The following PLXNA4 variants were observed in gnomAD, a reference collection of about 807,000 sequenced individuals.
The protein encoded by PLXNA4 is plexin-A4.
A neutral mutation model predicts 191.8 loss-of-function variants in PLXNA4; 44 were observed. The ratio of observed to expected loss-of-function variants is 0.23; its 90% CI spans 0.18 to 0.29. PLXNA4 has a LOEUF of 0.29. PLXNA4 is among the 10% of genes least tolerant of loss of function. PLXNA4 has a pLI of 1.00. For missense variants in PLXNA4, 1,800 were observed against 2,488.8 expected (o/e 0.72, Z 5.89); for synonymous variants, 1,082 against 1,009.5 (o/e 1.07, Z -1.36).
chr7:132,407,341 G>A (rs1397388102), intron 3 of PLXNA4, among the ~76,000 whole-genome samples: 1 of 152,212 alleles, frequency 6.6e-6, no homozygotes, highest in Non-Finnish European at 1.5e-5. Context: ...TTTTCACAGA[G>A]AGGTGTGTGG....
chr7:132,328,250 T>A (rs1005012361), intron 3 of PLXNA4, among the ~76,000 whole-genome samples: 25 of 152,004 alleles, frequency 1.6e-4, no homozygotes, highest in Non-Finnish European at 2.9e-4. Flanking sequence ...TCCAGGCACA[T>A]CCTCGTCAGC....
At chr7:132,636,010 C>T (rs1217143760) in intron 2 of PLXNA4, among the ~76,000 whole-genome samples, 3 of 152,184 alleles carry the variant, frequency 2.0e-5, no homozygotes, top group Non-Finnish European at 4.4e-5. Context: ...GCCCTCTCAA[C>T]AGAACTCAGA....
intron 29 of PLXNA4, among the ~76,000 whole-genome samples, chr7:132,143,589 G>A (rs1795332840): frequency 1.3e-5 from 2 of 152,146 alleles, no homozygotes; most frequent in Admixed American, 6.5e-5. Flanking sequence ...TTCAATGGAG[G>A]CAGTAAGTAG....
intron 3 of PLXNA4, among the ~76,000 whole-genome samples, chr7:132,471,625 C>T (rs1796938092): frequency 6.6e-6 from 1 of 152,160 alleles, no homozygotes. Flanking sequence ...GCCCTGGTTC[C>T]TTAAAGGGCC....
intron 15 of PLXNA4, among the ~76,000 whole-genome samples, chr7:132,186,169 CT>C (rs1225231022): frequency 6.6e-6 from 1 of 152,186 alleles, no homozygotes; most frequent in Non-Finnish European, 1.5e-5. Flanking sequence ...GCCTAGAGTC[CT>C]TCACTGAATG....
intron 28 of PLXNA4, among the ~76,000 whole-genome samples, chr7:132,145,965 A>G (rs1354890960): frequency 6.9e-6 from 1 of 145,812 alleles, no homozygotes; most frequent in African/African-American, 2.5e-5. Flanking sequence ...GCATGCTTGT[A>G]GTTTCAGCTA....
chr7:132,276,920 A>T (rs1195167039), intron 4 of PLXNA4, among the ~76,000 whole-genome samples: 1 of 152,082 alleles, frequency 6.6e-6, no homozygotes, highest in East Asian at 1.9e-4. Flanking sequence ...ATGAATTGGC[A>T]TCTGGGGGAG....
rs1554447431 is a variant in PLXNA4 at position 132,132,415 on chromosome 7, C to CTGT, written c.5589+631_5589+633dup. Among the ~76,000 whole-genome samples the CTGT allele has an allele frequency of 1.4e-3, 66 of 46,752 alleles. 3 individuals carry two copies. The highest frequency in any genetic ancestry group is 5.5e-3 in the African/African-American group (65 of 11,878). 30.7% of individuals were successfully genotyped at this position (46,752 alleles called of 152,430 possible). A position where few individuals can be genotyped will look rare whatever the true frequency, so the allele number is the denominator to read the frequency against. ...CTGTTCTGTTCTGTTCTGTTCTGTT[C>CTGT]TGTTCTGTTCTGTTCTGTTCTGTTC... On this transcript the variant is annotated intron_variant, in intron 31 of 31. Coordinates refer to ENST00000321063, the MANE Select transcript of PLXNA4 (RefSeq NM_020911.2).
At position 132,448,878 on chromosome 7, in the gene PLXNA4, A is replaced by G. The variant is rs184485762; in HGVS notation, c.1371+40414T>C. On this transcript the variant is annotated intron_variant, in intron 3 of 31. Coordinates refer to ENST00000321063, the MANE Select transcript of PLXNA4 (RefSeq NM_020911.2). Reference sequence around the variant, plus strand: ...AGATTTCTTATGTAGAAATATCTATACAAGACAACAGCTAACTGTAGAGCT... The same window carrying G: ...AGATTTCTTATGTAGAAATATCTATGCAAGACAACAGCTAACTGTAGAGCT... Among the ~76,000 whole-genome samples the G allele has an allele frequency of 5.4e-3, 816 of 152,364 alleles. 3 individuals are homozygous for G. Among genetic ancestry groups the G allele is most frequent in the Non-Finnish European group, 6.4e-3 (433 of 68,042 alleles).
chr7:132,588,699 G>T (rs1218924659), intron 2 of PLXNA4, among the ~76,000 whole-genome samples: 1 of 116,804 alleles, frequency 8.6e-6, no homozygotes, highest in Non-Finnish European at 1.8e-5. Context: ...AGGGAGGGAG[G>T]GAGGGGAGAG....
intron 21 of PLXNA4, among the ~76,000 whole-genome samples, chr7:132,174,279 C>G (rs866677848): frequency 6.6e-6 from 1 of 152,094 alleles, no homozygotes; most frequent in Non-Finnish European, 1.5e-5. Context: ...AGATGAGGTC[C>G]CTGCTGGTAG....
At chr7:132,472,791 A>G (rs1360369938) in intron 3 of PLXNA4, among the ~76,000 whole-genome samples, 1 of 152,186 alleles carries the variant, frequency 6.6e-6, no homozygotes, top group East Asian at 1.9e-4. Context: ...CACCAAGACC[A>G]CAAGGAGCAG....
intron 3 of PLXNA4, among the ~76,000 whole-genome samples, chr7:132,387,885 C>T (rs1805223817): frequency 6.6e-6 from 1 of 152,034 alleles, no homozygotes; most frequent in South Asian, 2.1e-4. Context: ...TCTGCTTGGC[C>T]ATTAAGGGCT....
At chr7:132,412,793 CTGCT>C (rs1187981637) in intron 3 of PLXNA4, among the ~76,000 whole-genome samples, 2 of 152,170 alleles carry the variant, frequency 1.3e-5, no homozygotes, top group Non-Finnish European at 2.9e-5. Flanking sequence ...AGAGAGCTCA[CTGCT>C]TGCTGTGGAT....
chr7:132,620,230 T>A (rs1328984321), intron 2 of PLXNA4, among the ~76,000 whole-genome samples: 1 of 152,196 alleles, frequency 6.6e-6, no homozygotes. Flanking sequence ...CACCTACTCT[T>A]GTGATTTCTG....
At chr7:132,417,124 C>T (rs1210218317) in intron 3 of PLXNA4, among the ~76,000 whole-genome samples, 3 of 152,120 alleles carry the variant, frequency 2.0e-5, no homozygotes, top group African/African-American at 7.2e-5. Flanking sequence ...GGGACTCCCG[C>T]TTCCCCCTGG....
chr7:132,514,819 C>G (rs565505787), intron 1 of PLXNA4, among the ~76,000 whole-genome samples: 1 of 152,300 alleles, frequency 6.6e-6, no homozygotes, highest in Admixed American at 6.5e-5. Context: ...CACACACACA[C>G]ACACACACAT....
intron 1 of PLXNA4, among the ~76,000 whole-genome samples, chr7:132,531,554 T>C (rs1255117070): frequency 6.6e-6 from 1 of 152,210 alleles, no homozygotes; most frequent in Non-Finnish European, 1.5e-5. Flanking sequence ...TTCCTAGAAA[T>C]GCAAATTCTC....
chr7:132,417,681 A>G (rs62466431), intron 3 of PLXNA4, among the ~76,000 whole-genome samples: 2 of 147,246 alleles, frequency 1.4e-5, no homozygotes, highest in African/African-American at 5.0e-5. Flanking sequence ...AAGACTGAAA[A>G]GGAGAGAGAG....
Sources: gnomAD v4.1 joint callset for allele counts (sites outside exome capture counted in the v4.1 genomes callset) on GRCh38, gnomAD v4.1.1 for gene constraint, MANE v1.5 for transcripts, NCBI Gene and HGNC (gene_info 2026-07-23, HGNC 2026-07-21) for gene names.